Variants in FOXP2 observed in about 807,000 individuals in gnomAD.
FOXP2 encodes the protein forkhead box protein P2.
In FOXP2, 12 loss-of-function variants were observed where a neutral mutation model predicts 115.8. The ratio of observed to expected loss-of-function variants is 0.10; its 90% confidence interval spans 0.07 to 0.17. The LOEUF (loss-of-function observed/expected upper bound fraction) is 0.17, where lower values mean the gene tolerates loss of function less well. Ranked by LOEUF, FOXP2 falls within the 10% of genes least tolerant of loss-of-function variation. The pLI is 1.00. For missense variants in FOXP2, 629 were observed against 843.5 expected (o/e 0.75, Z 3.15); for synonymous variants, 328 against 297.7 (o/e 1.10, Z -1.05).
At chr7:114,592,774 GT>G (rs1254779886) in intron 3 of FOXP2, among the ~76,000 whole-genome samples, 2 of 151,952 alleles carry the variant, frequency 1.3e-5, no homozygotes, top group East Asian at 3.9e-4. Context: ...ATTCAATTAT[GT>G]TTAAAATTGG....
At chr7:114,451,554 T>C (rs528500651) in intron 2 of FOXP2, among the ~76,000 whole-genome samples, 86 of 152,172 alleles carry the variant, frequency 5.7e-4, no homozygotes, top group African/African-American at 2.0e-3. Flanking sequence ...AGTCCCTCCG[T>C]CTCATCCTTC....
chr7:114,499,022 A>G (rs1039287580), intron 2 of FOXP2: 1 of 706,728 alleles, frequency 1.4e-6, no homozygotes, highest in Non-Finnish European at 2.6e-6. Flanking sequence ...TTAGAAATGC[A>G]CATTCTCAGG....
At chr7:114,542,427 A>T (rs1465639302) in intron 3 of FOXP2, among the ~76,000 whole-genome samples, 1 of 152,176 alleles carries the variant, frequency 6.6e-6, no homozygotes, top group Non-Finnish European at 1.5e-5. Context: ...GAGTTTCAAT[A>T]GGAAAGCACT....
At chr7:114,312,651 A>G (rs1006766898) in intron 2 of FOXP2, among the ~76,000 whole-genome samples, 1 of 152,164 alleles carries the variant, frequency 6.6e-6, no homozygotes, top group Non-Finnish European at 1.5e-5. Flanking sequence ...AAATAACTGA[A>G]TTACAGCACA....
intron 2 of FOXP2, chr7:114,297,139 C>A: frequency 2.1e-6 from 1 of 487,246 alleles, no homozygotes; most frequent in South Asian, 1.6e-5. Context: ...CGACTTTCCT[C>A]ATGGCGCCCA....
chr7:114,124,912 C>T (rs1791665548), intron 1 of FOXP2, among the ~76,000 whole-genome samples: 1 of 152,086 alleles, frequency 6.6e-6, no homozygotes, highest in African/African-American at 2.4e-5. Context: ...CTCACTGCAA[C>T]TCTGTGAGGC....
At chr7:114,306,539 G>A (rs1797017251) in intron 2 of FOXP2, among the ~76,000 whole-genome samples, 1 of 152,114 alleles carries the variant, frequency 6.6e-6, no homozygotes, top group Admixed American at 6.6e-5. Flanking sequence ...GGTGCATCTG[G>A]CAAAAGGTAT....
chr7:114,537,815 T>C (rs912385931), intron 3 of FOXP2, among the ~76,000 whole-genome samples: 2 of 151,648 alleles, frequency 1.3e-5, no homozygotes, highest in South Asian at 4.1e-4. Flanking sequence ...ACCAATTGAA[T>C]AGGTGCAATC....
chr7:114,534,632 A>G lies in FOXP2; in HGVS notation c.184A>G (p.Arg62Gly). ...LQQQQALQAARQLLLQQQTSG... is the reference protein window; with the variant it reads ...LQQQQALQAAGQLLLQQQTSG... ...TTACTTCTAGGCTCTCCAGGCAGCA[A>G]GACAACTTCTTTTACAGCAGCAAAC... Residue 62 changes from arginine to glycine, a missense_variant, in exon 3 of 17, where the codon AGA becomes GGA. Physicochemically the swap from Arg to Gly is moderately radical, Grantham distance 125 (BLOSUM62 -2). Around this residue, in one of 9 missense-constraint regions of FOXP2, gnomAD observed 91 missense variants for 98.3 expected, o/e 0.93. Coordinates refer to ENST00000350908, the MANE Select transcript of FOXP2 (RefSeq NM_014491.4). 1 of 1,611,958 alleles carries G rather than the reference A, an allele frequency of 6.2e-7. No individual in the cohort carries two copies. Among genetic ancestry groups the G allele is most frequent in the Non-Finnish European group, 8.5e-7 (1 of 1,178,464 alleles).
intron 2 of FOXP2, among the ~76,000 whole-genome samples, chr7:114,480,926 A>G (rs1796508430): frequency 6.6e-6 from 1 of 151,168 alleles, no homozygotes. Context: ...CTGATGAAAC[A>G]CTTAACTCCC....
At chr7:114,676,959 G>A (rs1021714374) in intron 16 of FOXP2, among the ~76,000 whole-genome samples, 4 of 152,020 alleles carry the variant, frequency 2.6e-5, no homozygotes, top group Non-Finnish European at 5.9e-5. Flanking sequence ...GAGGTCAGGA[G>A]ATTGAGACCA....
chr7:114,105,126 A>G (rs1791076647), intron 1 of FOXP2, among the ~76,000 whole-genome samples: 1 of 152,036 alleles, frequency 6.6e-6, no homozygotes, highest in Non-Finnish European at 1.5e-5. Context: ...AAAAATGGAG[A>G]GAGAAATGAT....
At position 114,693,712 on chromosome 7, in the gene FOXP2, C is replaced by T. The variant is rs556518629; in HGVS notation, c.*3786C>T. On this transcript the variant is annotated 3_prime_UTR_variant, in exon 17 of 17. Transcript: ENST00000350908. ...AAAATGTATATGAAACCATTTCATT[C>T]ACTTGATTACATTTCTGAAGTATAA... is the stretch of plus-strand genomic sequence containing the variant. The T allele has an allele frequency of 3.0e-6, 1 of 333,502 alleles. No homozygotes were observed. Among genetic ancestry groups the T allele is most frequent in the South Asian group, 2.5e-5 (1 of 40,060 alleles). 20.7% of individuals were successfully genotyped at this position (333,502 alleles called of 1,614,324 possible).
intron 2 of FOXP2, among the ~76,000 whole-genome samples, chr7:114,453,206 G>A (rs971386040): frequency 3.3e-5 from 5 of 152,076 alleles, no homozygotes; most frequent in Admixed American, 2.0e-4. Flanking sequence ...CCAATTTCCT[G>A]TAAATTGCAT....
intron 1 of FOXP2, among the ~76,000 whole-genome samples, chr7:114,130,733 A>G (rs1791850629): frequency 6.6e-6 from 1 of 152,226 alleles, no homozygotes; most frequent in Admixed American, 6.5e-5. Flanking sequence ...ATCAGGTACT[A>G]CAGAAAATAT....
At chr7:114,096,379 A>G (rs1584476164) in intron 1 of FOXP2, among the ~76,000 whole-genome samples, 1 of 152,218 alleles carries the variant, frequency 6.6e-6, no homozygotes, top group Non-Finnish European at 1.5e-5. Context: ...TGATCAGTTT[A>G]TAATATTCCT....
intron 2 of FOXP2, among the ~76,000 whole-genome samples, chr7:114,308,642 GTCT>G (rs1797071591): frequency 6.6e-6 from 1 of 152,186 alleles, no homozygotes; most frequent in African/African-American, 2.4e-5. Flanking sequence ...ACTGTTACCA[GTCT>G]TCTACAATCC....
rs982228869 is a variant in FOXP2 at position 114,203,579 on chromosome 7, A to G, written c.-102+40491A>G. On this transcript the variant is annotated intron_variant, in intron 1 of 17. Coordinates refer to the FOXP2 transcript ENST00000634411. ...GGCTTGGCTCAAACTCCTGGGCTCAAGTGATCCTCCCATCTCGGCCTCCCA... is the reference window on the plus strand; with the variant it reads ...GGCTTGGCTCAAACTCCTGGGCTCAGGTGATCCTCCCATCTCGGCCTCCCA... Among the ~76,000 whole-genome samples, 7 of 152,222 alleles carry G rather than the reference A, an allele frequency of 4.6e-5. No homozygotes were observed. In the East Asian group the frequency reaches 1.4e-3, roughly 29 times the overall value.
At chr7:114,317,957 G>T (rs758778835) in intron 2 of FOXP2, among the ~76,000 whole-genome samples, 1 of 151,942 alleles carries the variant, frequency 6.6e-6, no homozygotes, top group African/African-American at 2.4e-5. Flanking sequence ...TTATCTGCAT[G>T]GCTAACTCCC....
Sources: gnomAD v4.1 joint callset for allele counts (sites outside exome capture counted in the v4.1 genomes callset) on GRCh38, gnomAD v4.1.1 for gene constraint, gnomAD v4.1.1 regional missense constraint, MANE v1.5 for transcripts, NCBI Gene and HGNC (gene_info 2026-07-23, HGNC 2026-07-21) for gene names.